The following NRF1 variants were observed in gnomAD, a reference collection of about 807,000 sequenced individuals.
NRF1 encodes the protein nuclear respiratory factor 1.
NRF1 carries 5 observed loss-of-function variants against 58.5 expected under a neutral mutation model. The ratio of observed to expected loss-of-function variants is 0.09; its 90% CI spans 0.04 to 0.18. The LOEUF (loss-of-function observed/expected upper bound fraction) is 0.18. NRF1 is among the 10% of genes least tolerant of loss of function. The pLI is 1.00. For synonymous variants in NRF1, 224 were observed against 246.7 expected, an observed-to-expected ratio of 0.91 and a Z score of 0.86; for missense variants, 288 against 657.7, an observed-to-expected ratio of 0.44 and a Z score of 6.15.
intron 9 of NRF1, among the ~76,000 whole-genome samples, chr7:129,723,767 A>G (rs929464504): frequency 2.6e-5 from 4 of 152,186 alleles, no homozygotes; most frequent in Non-Finnish European, 5.9e-5. Context: ...CCACTGGTCT[A>G]TATGTTTGTC....
chr7:129,747,946 T>C (rs796168449), intron 10 of NRF1, among the ~76,000 whole-genome samples: 16 of 152,312 alleles, frequency 1.1e-4, no homozygotes, highest in African/African-American at 3.6e-4. Context: ...TATTCAATTA[T>C]TGAGCACCTA....
chr7:129,666,651 C>T (rs565387428), intron 2 of NRF1, among the ~76,000 whole-genome samples: 1 of 152,268 alleles, frequency 6.6e-6, no homozygotes, highest in Non-Finnish European at 1.5e-5. Context: ...CCTGCCTCAG[C>T]CTCCTGAGTA....
chr7:129,660,127 C>T (rs922186293), intron 2 of NRF1, among the ~76,000 whole-genome samples: 1 of 152,150 alleles, frequency 6.6e-6, no homozygotes, highest in African/African-American at 2.4e-5. Context: ...ACCATCAGAT[C>T]TTGTGAGACT....
intron 10 of NRF1, among the ~76,000 whole-genome samples, chr7:129,734,418 T>C (rs1280593614): frequency 6.6e-6 from 1 of 152,240 alleles, no homozygotes; most frequent in Admixed American, 6.5e-5. Flanking sequence ...ACTCCACAAA[T>C]ACAGGGTGAT....
chr7:129,651,068 C>G (rs1038433792), intron 1 of NRF1, among the ~76,000 whole-genome samples: 4 of 152,134 alleles, frequency 2.6e-5, no homozygotes, highest in Admixed American at 2.6e-4. Flanking sequence ...GTATCCCACT[C>G]TAGTTAAAAG....
At chr7:129,664,175 G>A (rs1801869698) in intron 2 of NRF1, among the ~76,000 whole-genome samples, 1 of 151,974 alleles carries the variant, frequency 6.6e-6, no homozygotes, top group African/African-American at 2.4e-5. Flanking sequence ...TAGGGGAGAG[G>A]GAGAGGGAGA....
intron 10 of NRF1, among the ~76,000 whole-genome samples, chr7:129,728,233 T>C (rs1432427638): frequency 6.6e-6 from 1 of 152,116 alleles, no homozygotes; most frequent in Non-Finnish European, 1.5e-5. Flanking sequence ...AGTCCTGGAA[T>C]GGGGCTGGGC....
intron 2 of NRF1, 138 bp from the exon 3 acceptor site, chr7:129,671,291 G>T: frequency 1.8e-6 from 1 of 566,470 alleles, no homozygotes. Context: ...GAAGTATATT[G>T]ATAATATCAG....
chr7:129,613,977 C>T (rs998415504), intron 1 of NRF1, among the ~76,000 whole-genome samples: 16 of 152,116 alleles, frequency 1.1e-4, no homozygotes, highest in African/African-American at 3.1e-4. Context: ...ATTTGAAGTC[C>T]TTTAATTTCC....
intron 2 of NRF1, among the ~76,000 whole-genome samples, chr7:129,668,153 A>G (rs1456870755): frequency 6.6e-6 from 1 of 152,172 alleles, no homozygotes; most frequent in Non-Finnish European, 1.5e-5. Context: ...ATTTTTCCAT[A>G]TGGATAACCA....
intron 1 of NRF1, among the ~76,000 whole-genome samples, chr7:129,623,162 C>T (rs1020405012): frequency 2.6e-5 from 4 of 152,256 alleles, no homozygotes; most frequent in African/African-American, 9.6e-5. Context: ...GGGTTAACCT[C>T]GATTTCCTTC....
Position 129,754,657 on chromosome 7 carries a change from CT to C in NRF1, c.1349-360del, listed in dbSNP as rs1476079368. 2.0e-5 allele frequency among the ~76,000 whole-genome samples: 3 copies of C among 151,738 alleles called. No individual in the cohort carries two copies. In the East Asian group the frequency reaches 5.8e-4, roughly 29 times the overall value. On this transcript the variant is annotated intron_variant, in intron 10 of 10. Transcript: ENST00000393232. ...TGACTGTAGCGAATAACAATGTAGT[CT>C]GTGTTTCAAGATAGCTAGATTTTGA...
intron 8 of NRF1, among the ~76,000 whole-genome samples, chr7:129,713,280 G>A (rs868412277): frequency 2.0e-5 from 3 of 151,848 alleles, no homozygotes; most frequent in Non-Finnish European, 4.4e-5. Context: ...CAGTAGAAAC[G>A]GGGTTTTACC....
chr7:129,619,080 A>G (rs923870332), intron 1 of NRF1, among the ~76,000 whole-genome samples: 5 of 151,792 alleles, frequency 3.3e-5, no homozygotes, highest in Non-Finnish European at 5.9e-5. Context: ...AGGAGTGAAG[A>G]AAAAAAACTA....
chr7:129,716,653 C>G (rs926547532), intron 8 of NRF1, among the ~76,000 whole-genome samples: 6 of 151,902 alleles, frequency 3.9e-5, no homozygotes, highest in Admixed American at 6.6e-5. Flanking sequence ...GGTGGATTAC[C>G]TAAGGTCAGG....
intron 5 of NRF1, among the ~76,000 whole-genome samples, chr7:129,695,630 A>G (rs1183134136): frequency 6.7e-6 from 1 of 149,236 alleles, no homozygotes; most frequent in African/African-American, 2.4e-5. Context: ...TATATACTGT[A>G]GTTTGAGGGG....
chr7:129,709,384 T>C, intron 6 of NRF1, 151 bp downstream of exon 6: 1 of 538,950 alleles, frequency 1.9e-6, no homozygotes, highest in Non-Finnish European at 2.9e-6. Context: ...ATTTATAGCC[T>C]TTTCCATTTG....
intron 1 of NRF1, among the ~76,000 whole-genome samples, chr7:129,624,678 T>TTTA (rs532728568): frequency 3.5e-4 from 53 of 152,160 alleles, no homozygotes; most frequent in African/African-American, 9.6e-4. Context: ...CCTGAGCCTT[T>TTTA]TTATTATTAT....
At chr7:129,714,817 A>C (rs1034810161) in intron 8 of NRF1, among the ~76,000 whole-genome samples, 11 of 152,216 alleles carry the variant, frequency 7.2e-5, no homozygotes, top group African/African-American at 2.7e-4. Flanking sequence ...TAAAGCAGGA[A>C]GCATTTAAAA....
Sources: allele counts gnomAD v4.1 joint callset (sites outside exome capture counted in the v4.1 genomes callset), GRCh38; gene constraint gnomAD v4.1.1; transcripts MANE v1.5; gene names NCBI Gene and HGNC (gene_info 2026-07-23, HGNC 2026-07-21).